The following SSBP2 variants were observed in gnomAD, a reference collection of about 807,000 sequenced individuals.
SSBP2 encodes the protein single-stranded DNA-binding protein 2.
Under a neutral mutation model 61.8 loss-of-function variants are expected in SSBP2, and 17 were observed. The ratio of observed to expected loss-of-function variants is 0.28; its 90% CI spans 0.19 to 0.41. The LOEUF is 0.41. Among genes scored for constraint, SSBP2 ranks in the 10% least tolerant of loss-of-function variants. The pLI, the probability that SSBP2 is intolerant of heterozygous loss-of-function variation, is 1.00. For missense variants in SSBP2, 310 were observed against 458.7 expected, an observed-to-expected ratio of 0.68 and a Z score of 2.96; for synonymous variants, 139 against 141.3, an observed-to-expected ratio of 0.98 and a Z score of 0.12.
chr5:81,431,730 G>C (rs1451646321), intron 15 of SSBP2, among the ~76,000 whole-genome samples: 1 of 152,056 alleles, frequency 6.6e-6, no homozygotes, highest in Admixed American at 6.5e-5. Flanking sequence ...GACTACAGAT[G>C]TGTGCTACCA....
chr5:81,535,905 A>G (rs778112763), intron 4 of SSBP2, among the ~76,000 whole-genome samples: 1 of 152,186 alleles, frequency 6.6e-6, no homozygotes, highest in Non-Finnish European at 1.5e-5. Flanking sequence ...GGACTTCATT[A>G]GAATTAAAAA....
chr5:81,669,125 T>C (rs1382633013), intron 1 of SSBP2, among the ~76,000 whole-genome samples: 1 of 152,164 alleles, frequency 6.6e-6, no homozygotes. Flanking sequence ...ATGTAAAAAG[T>C]AATGAAAGTA....
At chr5:81,459,403 AAAAGAAGGTACTTAT>A (rs1433141015) in intron 10 of SSBP2, among the ~76,000 whole-genome samples, 1 of 152,194 alleles carries the variant, frequency 6.6e-6, no homozygotes, top group Non-Finnish European at 1.5e-5. Flanking sequence ...ATGAGTGTGT[AAAAGAAGGTACTTAT>A]AAAGGTGGGT....
chr5:81,676,407 A>C (rs557525823), intron 1 of SSBP2, among the ~76,000 whole-genome samples: 2 of 152,222 alleles, frequency 1.3e-5, no homozygotes, highest in East Asian at 3.9e-4. Flanking sequence ...TCTACAGGAG[A>C]GGGGCCAGAT....
At chr5:81,430,719 TTC>T (rs1762230459) in intron 15 of SSBP2, among the ~76,000 whole-genome samples, 2 of 87,238 alleles carry the variant, frequency 2.3e-5, no homozygotes, top group African/African-American at 1.2e-4. Context: ...CATTATACTC[TTC>T]TGTGTGTGTG....
intron 10 of SSBP2, among the ~76,000 whole-genome samples, chr5:81,460,807 T>A (rs1263216375): frequency 6.6e-6 from 1 of 152,180 alleles, no homozygotes; most frequent in African/African-American, 2.4e-5. Flanking sequence ...ACTATTTCAA[T>A]TTTTATTTTT....
chr5:81,526,667 T>C (rs1482453675), intron 4 of SSBP2, among the ~76,000 whole-genome samples: 3 of 152,052 alleles, frequency 2.0e-5, no homozygotes, highest in Admixed American at 2.0e-4. Context: ...ATCAACCTTT[T>C]GAATTCATTA....
At chr5:81,558,955 T>C (rs1306953919) in intron 4 of SSBP2, among the ~76,000 whole-genome samples, 3 of 152,188 alleles carry the variant, frequency 2.0e-5, no homozygotes, top group African/African-American at 7.2e-5. Flanking sequence ...TAGAAAGATG[T>C]TTTTAAAAAT....
chr5:81,491,906 C>T (rs1013557327), intron 5 of SSBP2, among the ~76,000 whole-genome samples: 3 of 152,148 alleles, frequency 2.0e-5, no homozygotes, highest in African/African-American at 4.8e-5. Flanking sequence ...ATTGATCCTT[C>T]CCTTATGTTA....
intron 4 of SSBP2, among the ~76,000 whole-genome samples, chr5:81,538,720 T>G (rs888613577): frequency 6.6e-6 from 1 of 152,186 alleles, no homozygotes; most frequent in Non-Finnish European, 1.5e-5. Context: ...CCCTTCAGAA[T>G]TACACTAAAT....
rs537399460 is a variant in SSBP2 at position 81,604,339 on chromosome 5, T to G, written c.282+11134A>C. Among the ~76,000 whole-genome samples, 3 of 151,822 alleles carry G rather than the reference T, an allele frequency of 2.0e-5. No individual in the cohort carries two copies. In the South Asian group the frequency reaches 6.2e-4, roughly 32 times the overall value. On this transcript the variant is annotated intron_variant, in intron 4 of 16. Transcript: ENST00000320672. ...ATTTTTCCTGGCACATCACTTGACA[T>G]GTAACCTGAAAAGAAATTCTTAAAT...
At chr5:81,581,603 C>T (rs1347434310) in intron 4 of SSBP2, among the ~76,000 whole-genome samples, 1 of 152,100 alleles carries the variant, frequency 6.6e-6, no homozygotes, top group Non-Finnish European at 1.5e-5. Flanking sequence ...TCAGTTGTAG[C>T]TCCTTATTGC....
At chr5:81,433,079 G>A (rs913128529) in intron 15 of SSBP2, among the ~76,000 whole-genome samples, 2 of 152,022 alleles carry the variant, frequency 1.3e-5, no homozygotes, top group African/African-American at 4.8e-5. Context: ...GAGCCCCTCT[G>A]CCTGGCCACC....
intron 13 of SSBP2, among the ~76,000 whole-genome samples, chr5:81,441,819 G>A (rs1256646836): frequency 6.6e-6 from 1 of 152,164 alleles, no homozygotes; most frequent in African/African-American, 2.4e-5. Flanking sequence ...GCATATATAA[G>A]TCAAAGAAAT....
At chr5:81,544,691 A>C (rs1771591944) in intron 4 of SSBP2, among the ~76,000 whole-genome samples, 1 of 152,196 alleles carries the variant, frequency 6.6e-6, no homozygotes, top group South Asian at 2.1e-4. Context: ...AAAAATAAAA[A>C]CAATAATGTC....
At chr5:81,663,058 T>C (rs1750825483) in intron 1 of SSBP2, among the ~76,000 whole-genome samples, 2 of 152,206 alleles carry the variant, frequency 1.3e-5, no homozygotes, top group Admixed American at 1.3e-4. Flanking sequence ...CTTACTTTAC[T>C]CAATTCTTTC....
intron 1 of SSBP2, among the ~76,000 whole-genome samples, chr5:81,697,066 T>A (rs1389731488): frequency 2.6e-5 from 4 of 152,210 alleles, no homozygotes; most frequent in African/African-American, 9.6e-5. Flanking sequence ...TCTTTATCCT[T>A]CAAGCAATAT....
chr5:81,596,083 A>G (rs1014577264), intron 4 of SSBP2, among the ~76,000 whole-genome samples: 2 of 152,188 alleles, frequency 1.3e-5, no homozygotes, highest in African/African-American at 4.8e-5. Context: ...GTATATCTAG[A>G]AAACCCCAAC....
rs574053850 is a variant in SSBP2, at chr5:81,469,911, A to G, written c.571-2870T>C. Among the ~76,000 whole-genome samples the G allele has an allele frequency of 2.0e-5, 3 of 152,032 alleles. No homozygotes were observed. The South Asian group carries it at 6.2e-4, about 32-fold the overall frequency. ...CTGGTCTAATCTCTCTCCCACTGCA[A>G]TGTTTCTGACAAAATGGCTGTTCAG... On this transcript the variant is annotated intron_variant, in intron 8 of 16. Transcript: ENST00000320672.
Sources: allele counts gnomAD v4.1 joint callset (sites outside exome capture counted in the v4.1 genomes callset), GRCh38; gene constraint gnomAD v4.1.1; transcripts MANE v1.5; gene names NCBI Gene and HGNC (gene_info 2026-07-23, HGNC 2026-07-21).